Variants in ARB2A observed in about 807,000 individuals in gnomAD.
ARB2A encodes the protein ARB2 cotranscriptional regulator A.
chr5:93,690,128 G>A, the ARB2A span, among the ~76,000 whole-genome samples: 2 of 152,282 alleles, frequency 1.3e-5, no homozygotes, highest in Admixed American at 6.5e-5. Context: ...CTGGGCGGCT[G>A]TTTGGGCAGA....
the ARB2A span, among the ~76,000 whole-genome samples, chr5:94,016,207 G>A: frequency 6.6e-6 from 1 of 152,180 alleles, no homozygotes; most frequent in Non-Finnish European, 1.5e-5. Flanking sequence ...ACTATGTAAT[G>A]TAAAAGGGTC....
chr5:93,757,338 G>C, the ARB2A span, among the ~76,000 whole-genome samples: 1 of 152,334 alleles, frequency 6.6e-6, no homozygotes, highest in East Asian at 1.9e-4. Context: ...ACCCAGCCTT[G>C]TGAGAGACCT....
At chr5:93,850,909 C>T in the ARB2A span, among the ~76,000 whole-genome samples, 1 of 152,036 alleles carries the variant, frequency 6.6e-6, no homozygotes, top group Admixed American at 6.6e-5. Context: ...TATTTACAAG[C>T]AAATTTTTAA....
chr5:94,028,753 G>T, the ARB2A span, among the ~76,000 whole-genome samples: 1 of 151,998 alleles, frequency 6.6e-6, no homozygotes, highest in African/African-American at 2.4e-5. Flanking sequence ...ATTTCTGTGG[G>T]GTTTTTTTCT....
chr5:93,673,066 A>C, the ARB2A span, among the ~76,000 whole-genome samples: 1 of 152,248 alleles, frequency 6.6e-6, no homozygotes, highest in Non-Finnish European at 1.5e-5. Flanking sequence ...ATCACTTGAT[A>C]AAGGAAAAGT....
At chr5:94,083,509 G>A in the ARB2A span, among the ~76,000 whole-genome samples, 1 of 151,820 alleles carries the variant, frequency 6.6e-6, no homozygotes, top group Non-Finnish European at 1.5e-5. Context: ...GGAATCAAAG[G>A]AAACGTCTGT....
the ARB2A span, among the ~76,000 whole-genome samples, chr5:93,830,299 A>ATGTG: frequency 3.8e-4 from 15 of 39,662 alleles, no homozygotes; most frequent in African/African-American, 4.5e-4. Context: ...ATGTATATAT[A>ATGTG]TGTGTGTGTG....
chr5:93,802,268 T>C, the ARB2A span, among the ~76,000 whole-genome samples: 1 of 152,086 alleles, frequency 6.6e-6, no homozygotes, highest in East Asian at 1.9e-4. Context: ...TTTCTTGTTT[T>C]GTGAAATACT....
chr5:93,996,382 AG>A, the ARB2A span, among the ~76,000 whole-genome samples: 2 of 152,066 alleles, frequency 1.3e-5, no homozygotes, highest in Non-Finnish European at 2.9e-5. Context: ...AAAAATGAAC[AG>A]GGGGCTTTTT....
chr5:93,805,543 A>G, the ARB2A span: 9 of 985,076 alleles, frequency 9.1e-6, no homozygotes, highest in African/African-American at 1.7e-5. Flanking sequence ...GTAATAAAAC[A>G]GCAGGCATCA....
the ARB2A span, among the ~76,000 whole-genome samples, chr5:93,712,547 A>AAATCC: frequency 2.0e-5 from 3 of 152,174 alleles, no homozygotes; most frequent in Non-Finnish European, 4.4e-5. Flanking sequence ...TGTATGTAGA[A>AAATCC]AATCCTAAAG....
chr5:93,946,683 G>C, the ARB2A span, among the ~76,000 whole-genome samples: 1 of 152,102 alleles, frequency 6.6e-6, no homozygotes, highest in African/African-American at 2.4e-5. Flanking sequence ...TTACATCTAA[G>C]GAACAGGACT....
the ARB2A span, among the ~76,000 whole-genome samples, chr5:94,070,057 T>C: frequency 6.6e-6 from 1 of 152,070 alleles, no homozygotes; most frequent in Non-Finnish European, 1.5e-5. Flanking sequence ...AACAGATGAA[T>C]GGATAAAGAA....
the ARB2A span, among the ~76,000 whole-genome samples, chr5:93,946,092 A>C: frequency 1.3e-5 from 2 of 152,180 alleles, no homozygotes; most frequent in African/African-American, 4.8e-5. Context: ...TCAGAAATGC[A>C]AGGGTTCAAA....
At chr5:93,632,365 G>C in the ARB2A span, among the ~76,000 whole-genome samples, 1 of 152,194 alleles carries the variant, frequency 6.6e-6, no homozygotes, top group Non-Finnish European at 1.5e-5. Context: ...GGAAGAACAA[G>C]TGCCGGGGCT....
the ARB2A span, among the ~76,000 whole-genome samples, chr5:93,661,760 T>C: frequency 6.6e-6 from 1 of 152,150 alleles, no homozygotes; most frequent in Non-Finnish European, 1.5e-5. Flanking sequence ...TGGAAAAGCT[T>C]GCTCTAGAGG....
the ARB2A span, among the ~76,000 whole-genome samples, chr5:93,728,320 C>T: frequency 2.0e-5 from 3 of 151,912 alleles, no homozygotes; most frequent in African/African-American, 4.8e-5. Flanking sequence ...TCTCCAGTAT[C>T]GTGCTAGGCA....
At chr5:94,037,557 T>C in the ARB2A span, among the ~76,000 whole-genome samples, 3 of 152,158 alleles carry the variant, frequency 2.0e-5, no homozygotes, top group South Asian at 2.1e-4. Flanking sequence ...TAATATCGCA[T>C]CTACCCACAT....
At chr5:93,651,268 T>A in the ARB2A span, among the ~76,000 whole-genome samples, 1 of 152,002 alleles carries the variant, frequency 6.6e-6, no homozygotes, top group Admixed American at 6.6e-5. Flanking sequence ...CCTGAGTAGA[T>A]GGGACTACAG....
Sources: gnomAD v4.1 joint callset for allele counts (sites outside exome capture counted in the v4.1 genomes callset) on GRCh38, gnomAD v4.1.1 for gene constraint, MANE v1.5 for transcripts, NCBI Gene and HGNC (gene_info 2026-07-23, HGNC 2026-07-21) for gene names.